The following FAM135B variants were observed in gnomAD, a reference collection of about 807,000 sequenced individuals.
FAM135B encodes family with sequence similarity 135 member B, also known as protein FAM135B.
FAM135B carries 43 observed loss-of-function variants against 127.7 expected under a neutral mutation model. The ratio of observed to expected loss-of-function variants is 0.34; its 90% CI spans 0.26 to 0.43. The LOEUF is 0.43. Ranked by LOEUF, FAM135B falls within the 20% of genes least tolerant of loss-of-function variation. The pLI is 1.00. For synonymous variants in FAM135B, 670 were observed against 665.1 expected (o/e 1.01, Z -0.11); for missense variants, 1,558 against 1,725.6 (o/e 0.90, Z 1.72).
chr8:138,334,799 G>C (rs893843150), intron 2 of FAM135B, among the ~76,000 whole-genome samples: 1 of 152,062 alleles, frequency 6.6e-6, no homozygotes, highest in African/African-American at 2.4e-5. Context: ...ACCATTGATG[G>C]GCATTTAGGT....
At chr8:138,307,616 A>G (rs1369467914) in intron 3 of FAM135B, among the ~76,000 whole-genome samples, 1 of 152,102 alleles carries the variant, frequency 6.6e-6, no homozygotes, top group Non-Finnish European at 1.5e-5. Context: ...ATTAATAATA[A>G]CAGCTGCATT....
intron 1 of FAM135B, among the ~76,000 whole-genome samples, chr8:138,469,576 T>A (rs927204258): frequency 1.1e-4 from 16 of 152,174 alleles, no homozygotes; most frequent in African/African-American, 3.6e-4. Flanking sequence ...GACAATGGGC[T>A]TATACTGATA....
Position 138,442,267 on chromosome 8 carries a change from T to TATATATATATATACAC in FAM135B, c.-20+54403_-20+54404insGTGTATATATATATAT, listed in dbSNP as rs34280434. 8.0e-4 allele frequency among the ~76,000 whole-genome samples: 69 copies of TATATATATATATACAC among 86,744 alleles called. 3 individuals carry two copies. The highest frequency in any genetic ancestry group is 2.0e-3 in the African/African-American group (44 of 22,394). The allele number at this position is 86,744 out of a possible 152,430, so 56.9% of individuals were successfully genotyped here. A position where few individuals can be genotyped will look rare whatever the true frequency, so the allele number is the denominator to read the frequency against. On this transcript the variant is annotated intron_variant, in intron 1 of 19. Transcript: ENST00000395297. Reference sequence around the variant, plus strand: ...ATATATATATATATATATATATATATATATATATATGAAAAACCTTGGCAG... The same window carrying TATATATATATATACAC: ...ATATATATATATATATATATATATATATATATATATATACACATATATATATGAAAAACCTTGGCAG...
intron 2 of FAM135B, among the ~76,000 whole-genome samples, chr8:138,348,525 T>C (rs1439774698): frequency 6.6e-6 from 1 of 152,210 alleles, no homozygotes; most frequent in Admixed American, 6.5e-5. Flanking sequence ...CTTTAAGACC[T>C]GTGACTCAAT....
At chr8:138,156,669 C>G (rs994543848) in intron 12 of FAM135B, among the ~76,000 whole-genome samples, 1 of 152,112 alleles carries the variant, frequency 6.6e-6, no homozygotes, top group African/African-American at 2.4e-5. Flanking sequence ...CTAAAAACAC[C>G]TCTACGCAAA....
chr8:138,165,941 T>A (rs145867006), intron 12 of FAM135B, among the ~76,000 whole-genome samples: 298 of 152,334 alleles, frequency 2.0e-3, no homozygotes, highest in African/African-American at 7.0e-3. Flanking sequence ...CTTGGATTTT[T>A]AAAATATCCT....
At chr8:138,244,047 C>G (rs1179084402) in intron 6 of FAM135B, among the ~76,000 whole-genome samples, 1 of 152,122 alleles carries the variant, frequency 6.6e-6, no homozygotes, top group Non-Finnish European at 1.5e-5. Flanking sequence ...CCAAGAGATC[C>G]AGGTTCCTGC....
chr8:138,484,180 C>A (rs1476558595), intron 1 of FAM135B, among the ~76,000 whole-genome samples: 1 of 152,094 alleles, frequency 6.6e-6, no homozygotes, highest in African/African-American at 2.4e-5. Flanking sequence ...GTGCCTGCAA[C>A]CCTTCACGCA....
chr8:138,162,780 C>T (rs539248554), intron 12 of FAM135B, among the ~76,000 whole-genome samples: 2 of 152,248 alleles, frequency 1.3e-5, no homozygotes, highest in South Asian at 2.1e-4. Context: ...TTCATTCCCA[C>T]GTGGATGGAA....
intron 2 of FAM135B, among the ~76,000 whole-genome samples, chr8:138,360,373 G>A (rs919216059): frequency 1.3e-5 from 2 of 152,114 alleles, no homozygotes; most frequent in Non-Finnish European, 2.9e-5. Context: ...TTTCCTTGGG[G>A]GAAAAGTATT....
chr8:138,323,545 T>C (rs772200922), intron 2 of FAM135B, among the ~76,000 whole-genome samples: 3 of 152,208 alleles, frequency 2.0e-5, no homozygotes, highest in Non-Finnish European at 4.4e-5. Flanking sequence ...AGCCATTTGC[T>C]AAGGATGGAA....
intron 8 of FAM135B, among the ~76,000 whole-genome samples, chr8:138,197,075 ATGTGTGTGTGTGTGTGTGTG>A (rs6150843): frequency 0.15 from 19,959 of 132,384 alleles, 1,350 homozygotes; most frequent in African/African-American, 0.19. Flanking sequence ...ATGTATGCAT[ATGTGTGTGTGTGTGTGTGTG>A]TGTGTGTGTG....
At chr8:138,424,026 G>A (rs111849653) in intron 1 of FAM135B, among the ~76,000 whole-genome samples, 9 of 152,250 alleles carry the variant, frequency 5.9e-5, no homozygotes, top group African/African-American at 2.2e-4. Context: ...TTTCTCTCTT[G>A]CCTGAACATT....
In FAM135B at chr8:138,132,514, T is replaced by C; in HGVS notation, c.*79A>G. 8.4e-7 allele frequency: 1 copy of C among 1,185,900 alleles called. No homozygotes were observed. 73.5% of individuals were successfully genotyped at this position (1,185,900 alleles called of 1,614,324 possible). Reference sequence around the variant, plus strand: ...CTGTTGAAGCTTCATTCTGAAATGGTGAGGTCTGTAAAAGCAGGTCTCAGC... The same window carrying C: ...CTGTTGAAGCTTCATTCTGAAATGGCGAGGTCTGTAAAAGCAGGTCTCAGC... On this transcript the variant is annotated 3_prime_UTR_variant, in exon 20 of 20. Coordinates refer to ENST00000395297, the MANE Select transcript of FAM135B (RefSeq NM_015912.4). This position sits in a 1 kb window ranked among gnomAD's most constrained non-coding sequence, Gnocchi z 4.5.
intron 1 of FAM135B, chr8:138,450,651 GA>G (rs1263285336): frequency 6.6e-6 from 1 of 152,156 alleles, no homozygotes; most frequent in Non-Finnish European, 1.5e-5. Context: ...TTTCTTTGGT[GA>G]AGTGTCTGTT....
intron 9 of FAM135B, among the ~76,000 whole-genome samples, chr8:138,181,124 C>T (rs1381526774): frequency 6.6e-6 from 1 of 151,926 alleles, no homozygotes; most frequent in Non-Finnish European, 1.5e-5. Flanking sequence ...GCCTATAGTC[C>T]CAGCTAATCG....
rs1343800819 is a variant in FAM135B at position 138,130,817 on chromosome 8, T to G, written c.*1776A>C. On this transcript the variant is annotated 3_prime_UTR_variant, in exon 20 of 20. Transcript: ENST00000395297. ...ACCAGAGTCTATGCCCAGCTCTGAC[T>G]CGGGAGCTCAGATAAAAATCCCCAG... The G allele has an allele frequency of 6.6e-6, 1 of 152,172 alleles. No homozygotes were observed. The highest frequency in any genetic ancestry group is 1.5e-5 in the Non-Finnish European group (1 of 68,058). 9.4% of individuals were successfully genotyped at this position (152,172 alleles called of 1,614,324 possible).
At position 138,178,557 on chromosome 8, in the gene FAM135B, G is replaced by T. The variant is rs1442262692; in HGVS notation, c.1007C>A (p.Thr336Asn). Reference protein sequence around the residue: ...TLHSQVTTYLTQEHHTLRVRR... With the variant: ...TLHSQVTTYLNQEHHTLRVRR... ...CACCCTCAGGGTGTGGTGTTCCTGG[G>T]TGAGATAAGTGGTCACTTGGGAGTG... The change falls in exon 10 of 20, where the codon ACC (threonine) becomes AAC (asparagine). Residue 336 changes from threonine (T) to asparagine (N), a missense_variant. Physicochemically the swap from Thr to Asn is moderately conservative, Grantham distance 65. This residue lies in a region of FAM135B where 115 missense variants were observed against 171.1 expected (regional missense o/e 0.67). Coordinates refer to ENST00000395297, the MANE Select transcript of FAM135B (RefSeq NM_015912.4). The T allele has an allele frequency of 8.1e-6, 13 of 1,613,842 alleles. No individual in the cohort carries two copies. The Admixed American group carries it at 2.2e-4, about 27-fold the overall frequency.
rs1420215887 is a variant in FAM135B, at chr8:138,250,927, G to T, written c.456C>A (p.Val152=). The T allele has an allele frequency of 2.5e-6, 4 of 1,613,886 alleles. No individual in the cohort carries two copies. In the South Asian group the frequency reaches 3.3e-5, roughly 13 times the overall value. The change falls in exon 6 of 20, where the codon GTC becomes GTA. Residue 152 remains valine (V), a synonymous_variant. Coordinates refer to ENST00000395297, the MANE Select transcript of FAM135B (RefSeq NM_015912.4). ...FHPRNGLHHQ[V]PVMFDYFHLS... ...GGTGGAAATAGTCGAACATGACCGGGACCTGGTGGTGCAGACCATTCCGGG... is the reference window on the plus strand; with the variant it reads ...GGTGGAAATAGTCGAACATGACCGGTACCTGGTGGTGCAGACCATTCCGGG...
Sources: allele counts gnomAD v4.1 joint callset (sites outside exome capture counted in the v4.1 genomes callset), GRCh38; gene constraint gnomAD v4.1.1; regional missense constraint gnomAD v4.1.1; non-coding constraint Gnocchi (gnomAD v3.1); transcripts MANE v1.5; gene names NCBI Gene and HGNC (gene_info 2026-07-23, HGNC 2026-07-21).